Variants in ARHGEF3 observed in about 807,000 individuals in gnomAD.
ARHGEF3 encodes 59.8 kDA protein.
Under a neutral mutation model 63.2 loss-of-function variants are expected in ARHGEF3, and 28 were observed. The ratio of observed to expected loss-of-function variants is 0.44; its 90% confidence interval spans 0.33 to 0.61. ARHGEF3 has a LOEUF of 0.61. Among genes scored for constraint, ARHGEF3 ranks in the 20% least tolerant of loss-of-function variants. The pLI is 0.03. For synonymous variants in ARHGEF3, 266 were observed against 254.2 expected, an observed-to-expected ratio of 1.05 and a Z score of -0.44; for missense variants, 533 against 659.3, an observed-to-expected ratio of 0.81 and a Z score of 2.10.
upstream of ARHGEF3, among the ~76,000 whole-genome samples, chr3:56,804,580 C>A (rs1019193128): frequency 6.6e-6 from 1 of 152,182 alleles, no homozygotes; most frequent in South Asian, 2.1e-4. Context: ...AAATGAAGCT[C>A]CTGAATGGGT....
At chr3:56,964,181 G>A (rs886143322) in intron 2 of ARHGEF3, among the ~76,000 whole-genome samples, 12 of 151,880 alleles carry the variant, frequency 7.9e-5, no homozygotes, top group South Asian at 2.1e-4. Flanking sequence ...GTGAAACCCC[G>A]TCTCTACTAA....
chr3:56,771,825 A>C (rs902660586), intron 2 of ARHGEF3, among the ~76,000 whole-genome samples: 2 of 152,152 alleles, frequency 1.3e-5, no homozygotes, highest in Non-Finnish European at 2.9e-5. Context: ...GAAGGAAATA[A>C]TTGCAGAGTG....
chr3:57,021,781 C>T (rs1420447203), intron 2 of ARHGEF3, among the ~76,000 whole-genome samples: 1 of 151,124 alleles, frequency 6.6e-6, no homozygotes, highest in Non-Finnish European at 1.5e-5. Flanking sequence ...ATTCAGGAAG[C>T]ATTTACCAAT....
intron 2 of ARHGEF3, among the ~76,000 whole-genome samples, chr3:56,966,341 A>T (rs577832105): frequency 1.3e-5 from 2 of 152,262 alleles, no homozygotes; most frequent in African/African-American, 4.8e-5. Context: ...GCACAGCCCA[A>T]CTGTTGACAG....
intron 2 of ARHGEF3, among the ~76,000 whole-genome samples, chr3:57,015,092 G>C (rs1702932331): frequency 1.3e-5 from 2 of 151,986 alleles, no homozygotes; most frequent in South Asian, 4.1e-4. Context: ...ACTAGGGCCT[G>C]AGGGCCAAAT....
chr3:57,076,608 T>C (rs779839453), intron 1 of ARHGEF3: 1 of 152,164 alleles, frequency 6.6e-6, no homozygotes, highest in Non-Finnish European at 1.5e-5. Context: ...CAAGCTTAGG[T>C]TAAACAGTAA....
rs548767603 is a variant in ARHGEF3 at position 56,868,628 on chromosome 3, G to A, written c.192+13664C>T. Among the ~76,000 whole-genome samples, 8 of 152,296 alleles carry A rather than the reference G, an allele frequency of 5.3e-5. No homozygotes were observed. The East Asian group carries it at 7.7e-4, about 15-fold the overall frequency. On this transcript the variant is annotated intron_variant, in intron 4 of 12. Coordinates refer to the ARHGEF3 transcript ENST00000338458. Reference sequence around the variant, plus strand: ...TCTGCCTGCCTCAGCCTCCAAAAGTGCTGGGATTACAGGCATGAGCCACTG... The same window carrying A: ...TCTGCCTGCCTCAGCCTCCAAAAGTACTGGGATTACAGGCATGAGCCACTG...
At chr3:56,777,565 G>A (rs1481437145) in intron 1 of ARHGEF3, among the ~76,000 whole-genome samples, 2 of 152,130 alleles carry the variant, frequency 1.3e-5, no homozygotes, top group Non-Finnish European at 2.9e-5. Context: ...CAGACTATAT[G>A]CAATGTAAGA....
intron 2 of ARHGEF3, among the ~76,000 whole-genome samples, chr3:56,985,682 A>G (rs966555668): frequency 1.1e-4 from 17 of 152,344 alleles, no homozygotes; most frequent in African/African-American, 3.6e-4. Flanking sequence ...TGGGAACAGC[A>G]TAGCTGAGAG....
At chr3:57,046,956 TA>T (rs1488186484) in intron 1 of ARHGEF3, among the ~76,000 whole-genome samples, 1 of 152,198 alleles carries the variant, frequency 6.6e-6, no homozygotes, top group Non-Finnish European at 1.5e-5. Flanking sequence ...CATAATACCA[TA>T]ATTACACAAT....
upstream of ARHGEF3, among the ~76,000 whole-genome samples, chr3:56,806,260 C>T (rs187939074): frequency 6.6e-6 from 1 of 152,252 alleles, no homozygotes; most frequent in Admixed American, 6.5e-5. Context: ...AAACAGGCAC[C>T]CCTGCAGGAG....
chr3:56,977,694 G>C (rs1701177096), intron 2 of ARHGEF3, among the ~76,000 whole-genome samples: 1 of 152,178 alleles, frequency 6.6e-6, no homozygotes, highest in Non-Finnish European at 1.5e-5. Flanking sequence ...ACATCTCCAG[G>C]GGACTTGGTG....
intron 1 of ARHGEF3, among the ~76,000 whole-genome samples, chr3:56,788,233 G>A (rs2036918940): frequency 6.6e-6 from 1 of 152,132 alleles, no homozygotes; most frequent in Non-Finnish European, 1.5e-5. Flanking sequence ...GCATCAGGGA[G>A]CCTATTGGAT....
At chr3:56,987,816 G>GGGCT (rs542921077) in intron 2 of ARHGEF3, among the ~76,000 whole-genome samples, 362 of 152,328 alleles carry the variant, frequency 2.4e-3, no homozygotes, top group Middle Eastern at 0.014. Context: ...TGCTCTCTGA[G>GGGCT]GGCTGGCTGG....
intron 3 of ARHGEF3, among the ~76,000 whole-genome samples, chr3:56,926,865 G>A (rs1034848089): frequency 6.0e-5 from 9 of 151,106 alleles, no homozygotes; most frequent in African/African-American, 2.2e-4. Flanking sequence ...TGAATACCCC[G>A]GGAGGGGTGG....
chr3:56,968,257 ATTT>A (rs1700731729), intron 2 of ARHGEF3, among the ~76,000 whole-genome samples: 1 of 37,476 alleles, frequency 2.7e-5, no homozygotes, highest in Non-Finnish European at 5.3e-5. Context: ...AATATATAAT[ATTT>A]AAATATATAA....
At chr3:56,945,512 G>A (rs554668777) in intron 3 of ARHGEF3, among the ~76,000 whole-genome samples, 6 of 152,282 alleles carry the variant, frequency 3.9e-5, no homozygotes, top group Non-Finnish European at 8.8e-5. Context: ...ACAGAGACTC[G>A]CTCATTGCTA....
chr3:56,854,884 G>A lies in ARHGEF3; in HGVS notation c.192+27408C>T, dbSNP rs1445620533. Among the ~76,000 whole-genome samples the A allele has an allele frequency of 2.6e-5, 4 of 152,168 alleles. No individual in the cohort carries two copies. In the East Asian group the frequency reaches 5.8e-4, roughly 22 times the overall value. On this transcript the variant is annotated intron_variant, in intron 4 of 12. Transcript: ENST00000338458. ...TGAGGGACACCCCCAATTAAGGGAT[G>A]GACACAAGAAGGGGTAACTGCAAAG...
intron 3 of ARHGEF3, among the ~76,000 whole-genome samples, chr3:56,914,084 C>T (rs551067564): frequency 6.6e-6 from 1 of 152,192 alleles, no homozygotes; most frequent in East Asian, 1.9e-4. Context: ...TATGAGGACG[C>T]AAAGGCATAA....
Sources: gnomAD v4.1 joint callset for allele counts (sites outside exome capture counted in the v4.1 genomes callset) on GRCh38, gnomAD v4.1.1 for gene constraint, MANE v1.5 for transcripts, NCBI Gene and HGNC (gene_info 2026-07-23, HGNC 2026-07-21) for gene names.